TF: variants seen among roughly 807,000 people sequenced by gnomAD.
TF encodes the protein transferrin.
A neutral mutation model predicts 82.4 loss-of-function variants in TF; 55 were observed. The ratio of observed to expected loss-of-function variants is 0.67; its 90% confidence interval spans 0.54 to 0.84. The LOEUF is 0.84. Ranked by LOEUF, TF falls within the 40% of genes least tolerant of loss-of-function variation. The pLI, the probability that TF is intolerant of heterozygous loss-of-function variation, is 0.00. For synonymous variants in TF, 332 were observed against 332.6 expected (o/e 1.00, Z 0.02); for missense variants, 737 against 868.4 (o/e 0.85, Z 1.90).
At position 133,786,412 on chromosome 3, in the gene TF, T is replaced by C. The variant is rs540053456; in HGVS notation, c.*7792T>C. 1 of 152,286 alleles carries C rather than the reference T, an allele frequency of 6.6e-6. No homozygotes were observed. Among genetic ancestry groups the C allele is most frequent in the African/African-American group, 2.4e-5 (1 of 41,548 alleles). 9.4% of individuals were successfully genotyped at this position (152,286 alleles called of 1,614,324 possible). A position where few individuals can be genotyped will look rare whatever the true frequency, so the allele number is the denominator to read the frequency against. ...ACCTGTTAATAATACACATTGTGTT[T>C]GTGCACTGGTTCAGGGGAGGAGAGA... On this transcript the variant is annotated 3_prime_UTR_variant, in exon 17 of 17. Coordinates refer to ENST00000402696, the MANE Select transcript of TF (RefSeq NM_001063.4).
upstream of TF, chr3:133,746,199 T>G: frequency 1.7e-6 from 1 of 597,896 alleles, no homozygotes; most frequent in Non-Finnish European, 3.0e-6. Context: ...TCAACATTTC[T>G]GTGCTGGACT....
the TF span, among the ~76,000 whole-genome samples, chr3:133,715,428 G>T: frequency 1.3e-5 from 2 of 152,056 alleles, no homozygotes; most frequent in Non-Finnish European, 2.9e-5. Context: ...GTCCTGCACC[G>T]GTTCAGGATT....
the TF span, among the ~76,000 whole-genome samples, chr3:133,740,100 T>C: frequency 7.2e-5 from 11 of 152,268 alleles, no homozygotes; most frequent in East Asian, 1.7e-3. Context: ...CCATCAATGA[T>C]AGACTGGATA....
intron 5 of TF, chr3:133,755,822 A>G (rs939807750): frequency 4.3e-6 from 2 of 467,336 alleles, no homozygotes; most frequent in African/African-American, 3.9e-5. Context: ...CCCACTGTCC[A>G]GGGACTGGCC....
the TF span, chr3:133,694,197 A>G: frequency 6.5e-6 from 1 of 152,920 alleles, no homozygotes; most frequent in East Asian, 1.9e-4. Context: ...CCTGGGGTCC[A>G]TGTCTCTGTG....
the TF span, among the ~76,000 whole-genome samples, chr3:133,737,648 A>G: frequency 2.0e-5 from 3 of 152,254 alleles, no homozygotes; most frequent in African/African-American, 7.2e-5. Flanking sequence ...CTGATCCCAC[A>G]GAAATACAAA....
the TF span, among the ~76,000 whole-genome samples, chr3:133,677,824 C>T: frequency 6.6e-6 from 1 of 152,066 alleles, no homozygotes; most frequent in South Asian, 2.1e-4. Flanking sequence ...GCTGGGACTA[C>T]AGGTGTGCAT....
the TF span, among the ~76,000 whole-genome samples, chr3:133,695,140 C>T: frequency 6.6e-6 from 1 of 152,054 alleles, no homozygotes; most frequent in Admixed American, 6.6e-5. Flanking sequence ...GGCTGACCCT[C>T]AGAGGGGCTG....
chr3:133,721,898 G>A, the TF span, among the ~76,000 whole-genome samples: 3 of 151,836 alleles, frequency 2.0e-5, no homozygotes, highest in Non-Finnish European at 2.9e-5. Context: ...GCTGTTGTTC[G>A]AGACAGGGTC....
the TF span, among the ~76,000 whole-genome samples, chr3:133,723,251 G>A: frequency 5.3e-5 from 8 of 152,150 alleles, no homozygotes; most frequent in Non-Finnish European, 1.2e-4. Context: ...ATGTTCCTCA[G>A]AGAGAATCTT....
the TF span, among the ~76,000 whole-genome samples, chr3:133,718,654 C>T: frequency 6.6e-6 from 1 of 152,118 alleles, no homozygotes; most frequent in Admixed American, 6.5e-5. Flanking sequence ...AGGCACAGGT[C>T]CCTGGGCCCC....
chr3:133,776,925 A>G (rs1322807531), intron 15 of TF, 124 bp from the exon 16 acceptor site: 3 of 871,834 alleles, frequency 3.4e-6, no homozygotes, highest in Non-Finnish European at 5.5e-6. Flanking sequence ...AAAATTCCCA[A>G]GACATACTCC....
chr3:133,721,664 C>G, the TF span, among the ~76,000 whole-genome samples: 1 of 152,032 alleles, frequency 6.6e-6, no homozygotes, highest in Non-Finnish European at 1.5e-5. Flanking sequence ...ATAATCTGTT[C>G]ATTGTCAGAA....
At chr3:133,741,497 T>C (rs1249322885), upstream of TF, among the ~76,000 whole-genome samples, 1 of 152,236 alleles carries the variant, frequency 6.6e-6, no homozygotes, top group Non-Finnish European at 1.5e-5. Context: ...GTCTTATTAC[T>C]GATCTCAACA....
the TF span, among the ~76,000 whole-genome samples, chr3:133,685,316 A>C: frequency 6.6e-6 from 1 of 151,994 alleles, no homozygotes; most frequent in Non-Finnish European, 1.5e-5. Flanking sequence ...CCCTCTCACC[A>C]CTCCTATTCA....
At position 133,786,517 on chromosome 3, in the gene TF, G is replaced by A. The variant is rs1176797858; in HGVS notation, c.*7897G>A. 6.6e-6 allele frequency: 1 copy of A among 152,174 alleles called. No homozygotes were observed. The highest frequency in any genetic ancestry group is 6.5e-5 in the Admixed American group (1 of 15,276). 9.4% of individuals were successfully genotyped at this position (152,174 alleles called of 1,614,324 possible). On this transcript the variant is annotated 3_prime_UTR_variant, in exon 17 of 17. Transcript: ENST00000402696. The stretch of plus-strand genomic sequence containing the variant: ...CCATTGTCTCATGCCTGGGCATTTT[G>A]TTTTACTTATCTGGGTATATTGTGG...
chr3:133,730,551 C>A, the TF span, among the ~76,000 whole-genome samples: 1 of 152,198 alleles, frequency 6.6e-6, no homozygotes, highest in Admixed American at 6.5e-5. Flanking sequence ...AGACCCTGGT[C>A]CAACAGGGGT....
chr3:133,750,982 G>T (rs774952305), intron 2 of TF, among the ~76,000 whole-genome samples: 2 of 152,092 alleles, frequency 1.3e-5, no homozygotes, highest in Non-Finnish European at 2.9e-5. Context: ...AGGTCTAGTT[G>T]TTGTGGAACA....
chr3:133,709,825 G>A, the TF span, among the ~76,000 whole-genome samples: 1 of 152,152 alleles, frequency 6.6e-6, no homozygotes, highest in Non-Finnish European at 1.5e-5. Flanking sequence ...ATCTCCTTGA[G>A]CAGGTCCTCC....
Sources: gnomAD v4.1 joint callset for allele counts (sites outside exome capture counted in the v4.1 genomes callset) on GRCh38, gnomAD v4.1.1 for gene constraint, MANE v1.5 for transcripts, NCBI Gene and HGNC (gene_info 2026-07-23, HGNC 2026-07-21) for gene names.